OPHN1: variants seen among roughly 807,000 people sequenced by gnomAD.
OPHN1 encodes the protein oligophrenin-1.
OPHN1 carries 11 observed loss-of-function variants against 60.7 expected under a neutral mutation model. That is an observed-to-expected ratio of 0.18 (90% CI 0.11 to 0.30). The LOEUF (loss-of-function observed/expected upper bound fraction) is 0.30, where lower values mean the gene tolerates loss of function less well. Ranked by LOEUF, OPHN1 falls within the 10% of genes least tolerant of loss-of-function variation. The probability of loss-of-function intolerance (pLI) is 1.00; values close to 1 mark genes in which losing one functional copy is unlikely to be tolerated. For missense variants in OPHN1, 449 were observed against 611.0 expected (o/e 0.73, Z 2.80); for synonymous variants, 226 against 222.6 (o/e 1.02, Z -0.14).
At chrX:68,078,429 G>A (rs750204742) in intron 19 of OPHN1, among the ~76,000 whole-genome samples, 5 of 111,835 alleles carry the variant, frequency 4.5e-5, no homozygotes, top group South Asian at 3.7e-4. Context: ...CTAAAAAAAC[G>A]TTTTGAAAAC....
intron 2 of OPHN1, among the ~76,000 whole-genome samples, chrX:68,406,439 C>T (rs1211291149): frequency 1.8e-5 from 2 of 110,044 alleles, no homozygotes; most frequent in Non-Finnish European, 3.8e-5. Flanking sequence ...TGGTGGAACC[C>T]CATTTCTATC....
chrX:68,055,309 TA>T (rs1324845416), intron 21 of OPHN1, among the ~76,000 whole-genome samples: 2 of 111,944 alleles, frequency 1.8e-5, no homozygotes, highest in African/African-American at 6.5e-5. Flanking sequence ...GAAATGAGTA[TA>T]AAAACCCCTC....
intron 2 of OPHN1, among the ~76,000 whole-genome samples, chrX:68,346,077 G>A (rs1010014906): frequency 2.7e-5 from 3 of 111,809 alleles, no homozygotes; most frequent in Non-Finnish European, 3.8e-5. Context: ...GCAGTGGGCC[G>A]TGATCGCACC....
At chrX:68,070,600 C>T in intron 20 of OPHN1, 1 of 675,925 alleles carries the variant, frequency 1.5e-6, no homozygotes. Context: ...GTAGTGCTCA[C>T]ATGTCTGATT....
At chrX:68,089,524 G>A (rs951662073) in intron 19 of OPHN1, among the ~76,000 whole-genome samples, 1 of 111,615 alleles carries the variant, frequency 9.0e-6, no homozygotes, top group Non-Finnish European at 1.9e-5. Context: ...TGTGTCAAAT[G>A]TATAGCACCA....
At position 68,426,564 on chromosome X, in the gene OPHN1, ATATAT is replaced by A. The variant is rs1158399706; in HGVS notation, c.154+6298_154+6302del. ...TCTGACATCTGTTTTATATATATAT[ATATAT>A]ACATACACAGAGGCTGGGCGTGATG... On this transcript the variant is annotated intron_variant, in intron 2 of 24. Transcript: ENST00000355520. Among the ~76,000 whole-genome samples, 9 of 74,980 alleles carry A rather than the reference ATATAT, an allele frequency of 1.2e-4. 1 individual carries two copies. Among genetic ancestry groups the A allele is most frequent in the Non-Finnish European group, 2.2e-4 (8 of 35,625 alleles). The allele number at this position is 74,980 out of a possible 115,157, so 65.1% of individuals were successfully genotyped here. A position where few individuals can be genotyped will look rare whatever the true frequency, so the allele number is the denominator to read the frequency against.
Position 68,416,059 on chromosome X carries a change from T to G in OPHN1, c.154+16808A>C, listed in dbSNP as rs1164033303. Reference sequence around the variant, plus strand: ...ATATATATATATATATATATATATATATATATATAGAGAGAGAGAGAGAGA... The same window carrying G: ...ATATATATATATATATATATATATAGATATATATAGAGAGAGAGAGAGAGA... On this transcript the variant is annotated intron_variant, in intron 2 of 24. Coordinates refer to ENST00000355520, the MANE Select transcript of OPHN1 (RefSeq NM_002547.3). 2.7e-3 allele frequency among the ~76,000 whole-genome samples: 19 copies of G among 6,955 alleles called. No homozygotes were observed. In the East Asian group the frequency reaches 0.084, roughly 31 times the overall value. The allele number at this position is 6,955 out of a possible 115,157, so 6.0% of individuals were successfully genotyped here.
At chrX:68,103,092 C>T (rs1286687228) in intron 18 of OPHN1, among the ~76,000 whole-genome samples, 1 of 112,015 alleles carries the variant, frequency 8.9e-6, no homozygotes, top group Non-Finnish European at 1.9e-5. Flanking sequence ...ACTTTCAGGC[C>T]AATATCCCTG....
chrX:68,219,802 G>C (rs2077642230), intron 6 of OPHN1, among the ~76,000 whole-genome samples: 1 of 103,097 alleles, frequency 9.7e-6, no homozygotes, highest in South Asian at 4.8e-4. Context: ...GAAATTTATA[G>C]CACTAAATGC....
At chrX:68,089,724 C>T in intron 19 of OPHN1, among the ~76,000 whole-genome samples, 2 of 111,624 alleles carry the variant, frequency 1.8e-5, no homozygotes, top group East Asian at 5.6e-4. Context: ...AACCTCAGAT[C>T]ACAACTGCAT....
At chrX:68,319,913 T>C (rs1375089687) in intron 2 of OPHN1, among the ~76,000 whole-genome samples, 1 of 110,415 alleles carries the variant, frequency 9.1e-6, no homozygotes, top group Non-Finnish European at 1.9e-5. Flanking sequence ...ATATAAAGAA[T>C]ACTCAAAGTT....
At chrX:68,135,738 T>C (rs752707355) in intron 15 of OPHN1, among the ~76,000 whole-genome samples, 2 of 112,490 alleles carry the variant, frequency 1.8e-5, no homozygotes, top group Admixed American at 9.4e-5. Context: ...AATAAGACCC[T>C]ACAGAATTTG....
intron 15 of OPHN1, among the ~76,000 whole-genome samples, chrX:68,129,017 A>G (rs2077183233): frequency 8.9e-6 from 1 of 112,480 alleles, no homozygotes; most frequent in Admixed American, 9.5e-5. Flanking sequence ...AATAAGTTAG[A>G]TCTCTATTTC....
At chrX:68,378,255 T>C (rs1304047132) in intron 2 of OPHN1, among the ~76,000 whole-genome samples, 1 of 112,325 alleles carries the variant, frequency 8.9e-6, no homozygotes. Flanking sequence ...GTTCATATCC[T>C]TCACCCACTT....
intron 19 of OPHN1, among the ~76,000 whole-genome samples, chrX:68,083,934 C>T (rs1248241477): frequency 9.1e-6 from 1 of 110,361 alleles, no homozygotes; most frequent in African/African-American, 3.3e-5. Flanking sequence ...TTCATGGAGC[C>T]GCAAAACAAT....
At chrX:68,270,921 C>T (rs919390093) in intron 5 of OPHN1, among the ~76,000 whole-genome samples, 1 of 110,856 alleles carries the variant, frequency 9.0e-6, no homozygotes, top group Non-Finnish European at 1.9e-5. Flanking sequence ...ACTGAGTGAC[C>T]TTAGAGGCTA....
chrX:68,266,755 C>A (rs2077930855), intron 5 of OPHN1, among the ~76,000 whole-genome samples: 1 of 111,008 alleles, frequency 9.0e-6, no homozygotes, highest in Non-Finnish European at 1.9e-5. Flanking sequence ...GAGTCAAGAC[C>A]CATCAGTGTG....
At chrX:68,405,818 A>G (rs1411173380) in intron 2 of OPHN1, among the ~76,000 whole-genome samples, 2 of 111,453 alleles carry the variant, frequency 1.8e-5, no homozygotes, top group Admixed American at 1.9e-4. Flanking sequence ...TTTGGGACAT[A>G]ATGGGCTAAG....
chrX:68,369,763 C>G (rs1366342910), intron 2 of OPHN1, among the ~76,000 whole-genome samples: 1 of 107,997 alleles, frequency 9.3e-6, no homozygotes, highest in Non-Finnish European at 1.9e-5. Context: ...GAAATAATGG[C>G]CAAAAATGTC....
Sources: gnomAD v4.1 joint callset for allele counts (sites outside exome capture counted in the v4.1 genomes callset) on GRCh38, gnomAD v4.1.1 for gene constraint, MANE v1.5 for transcripts, NCBI Gene and HGNC (gene_info 2026-07-23, HGNC 2026-07-21) for gene names.